ANKRD44: variants seen among roughly 807,000 people sequenced by gnomAD.
ANKRD44 encodes the protein ankyrin repeat domain 44.
In ANKRD44, 35 loss-of-function variants were observed where a neutral mutation model predicts 116.0. That is an observed-to-expected ratio of 0.30 (90% confidence interval 0.23 to 0.40). The LOEUF is 0.40. Ranked by LOEUF, ANKRD44 falls within the 10% of genes least tolerant of loss-of-function variation. ANKRD44 has a pLI of 1.00. For synonymous variants in ANKRD44, 435 were observed against 461.8 expected (o/e 0.94, Z 0.74); for missense variants, 1,014 against 1,242.6 (o/e 0.82, Z 2.77).
chr2:197,039,642 C>T (rs1034944695), intron 16 of ANKRD44, among the ~76,000 whole-genome samples: 2 of 149,950 alleles, frequency 1.3e-5, no homozygotes, highest in Non-Finnish European at 3.0e-5. Flanking sequence ...TTTTGGATTC[C>T]TGCATTACAT....
At chr2:197,234,330 C>T (rs1574328108) in intron 1 of ANKRD44, among the ~76,000 whole-genome samples, 1 of 152,050 alleles carries the variant, frequency 6.6e-6, no homozygotes, top group African/African-American at 2.4e-5. Flanking sequence ...TAGCCGGGAT[C>T]ACAGGCACAT....
intron 4 of ANKRD44, among the ~76,000 whole-genome samples, chr2:197,126,514 A>G (rs1293238517): frequency 6.6e-6 from 1 of 152,244 alleles, no homozygotes; most frequent in Non-Finnish European, 1.5e-5. Flanking sequence ...ATCTCAACTT[A>G]AAGCTATGAG....
intron 16 of ANKRD44, chr2:197,029,939 G>T: frequency 5.3e-6 from 1 of 190,438 alleles, no homozygotes; most frequent in South Asian, 1.0e-4. Flanking sequence ...TATCATTTTT[G>T]GGTTGTGTTC....
Position 197,110,763 on chromosome 2 carries a change from T to TA in ANKRD44, c.985+2dup. 1 of 1,612,006 alleles carries TA rather than the reference T, an allele frequency of 6.2e-7. No homozygotes were observed. Among genetic ancestry groups the TA allele is most frequent in the Non-Finnish European group, 8.5e-7 (1 of 1,178,088 alleles). The stretch of plus-strand genomic sequence containing the variant: ...AATGACACTACTGAAGCATCTCTCT[T>TA]ACCATTCTGAATGAGGGTCTGTGAC... On this transcript the variant is annotated splice_region_variant and intron_variant, in intron 9 of 27. Coordinates refer to ENST00000282272, the MANE Select transcript of ANKRD44 (RefSeq NM_001195144.2).
chr2:197,222,312 G>C (rs372006151), intron 1 of ANKRD44, among the ~76,000 whole-genome samples: 1 of 152,148 alleles, frequency 6.6e-6, no homozygotes, highest in Admixed American at 6.5e-5. Context: ...TTGAGCCATA[G>C]CTGAAAACAC....
At chr2:197,275,947 C>A (rs930533461) in intron 1 of ANKRD44, among the ~76,000 whole-genome samples, 1 of 152,020 alleles carries the variant, frequency 6.6e-6, no homozygotes, top group Admixed American at 6.6e-5. Flanking sequence ...TTTGATTACC[C>A]TATAAATTGA....
intron 16 of ANKRD44, among the ~76,000 whole-genome samples, chr2:197,065,469 T>C (rs113065074): frequency 0.059 from 8,997 of 151,986 alleles, 670 homozygotes; most frequent in African/African-American, 0.17. Flanking sequence ...CTGAAGGAGA[T>C]AGAGACATAA....
Position 197,081,637 on chromosome 2 carries a change from A to G in ANKRD44, c.1538+8T>C. On this transcript the variant is annotated splice_region_variant and intron_variant, in intron 15 of 27. Transcript: ENST00000282272. ...GGCACCTTGTTCTTAAGCTGAGAAG[A>G]AACTTACAGTGTGGCTTCCTTTTCC... 6.2e-7 allele frequency: 1 copy of G among 1,612,558 alleles called. No individual in the cohort carries two copies. The highest frequency in any genetic ancestry group is 2.2e-5 in the East Asian group (1 of 44,868).
At chr2:197,271,512 AGACT>A (rs1252067394) in intron 1 of ANKRD44, among the ~76,000 whole-genome samples, 8 of 152,384 alleles carry the variant, frequency 5.2e-5, no homozygotes, top group Non-Finnish European at 1.2e-4. Flanking sequence ...AATCCTTAAC[AGACT>A]GACATTATCT....
chr2:197,143,277 G>A (rs148924031), intron 3 of ANKRD44, among the ~76,000 whole-genome samples: 8,416 of 149,548 alleles, frequency 0.056, 740 homozygotes, highest in African/African-American at 0.2. Flanking sequence ...GTATACATGT[G>A]CCATGCTGGT....
At chr2:197,121,950 G>A (rs2697271) in intron 7 of ANKRD44, among the ~76,000 whole-genome samples, 96,551 of 152,028 alleles carry the variant, frequency 0.64, 34,179 homozygotes, top group East Asian at 0.95. Context: ...AAGTGGCTGC[G>A]GAGATGGCAG....
chr2:197,293,688 T>G (rs2083634988), intron 1 of ANKRD44, among the ~76,000 whole-genome samples: 4 of 152,210 alleles, frequency 2.6e-5, no homozygotes, highest in Admixed American at 2.6e-4. Flanking sequence ...CAAATAAGAA[T>G]GAAGTTCCAC....
chr2:196,967,238 AG>A (rs1400986953), exon 22 of ANKRD44: 2 of 250,598 alleles, frequency 8.0e-6, no homozygotes, highest in Non-Finnish European at 1.7e-5. Flanking sequence ...TCTTGTTCCC[AG>A]TTGGAAAATA....
intron 1 of ANKRD44, among the ~76,000 whole-genome samples, chr2:197,259,262 C>T (rs1045217818): frequency 2.6e-5 from 4 of 152,228 alleles, no homozygotes; most frequent in African/African-American, 9.6e-5. Flanking sequence ...GCAGCTCCTA[C>T]CAGAGGCCTC....
intron 4 of ANKRD44, among the ~76,000 whole-genome samples, chr2:197,127,404 T>C (rs2079000269): frequency 1.3e-5 from 2 of 152,204 alleles, no homozygotes; most frequent in Admixed American, 6.5e-5. Context: ...TTTTAAAAAC[T>C]GCATTTCTCT....
intron 1 of ANKRD44, among the ~76,000 whole-genome samples, chr2:197,286,756 T>A (rs1265342813): frequency 1.3e-5 from 2 of 152,058 alleles, no homozygotes; most frequent in African/African-American, 4.8e-5. Context: ...TGTCGAAAAA[T>A]ATGTACCTTT....
chr2:197,175,808 A>G (rs1486240271), intron 2 of ANKRD44, among the ~76,000 whole-genome samples: 4 of 152,210 alleles, frequency 2.6e-5, no homozygotes, highest in Admixed American at 2.6e-4. Flanking sequence ...TATTACATAA[A>G]TGATACATAT....
rs139761609 is a variant in ANKRD44, at chr2:197,305,174, T to C, written c.27+5404A>G. On this transcript the variant is annotated intron_variant, in intron 1 of 27. Coordinates refer to ENST00000282272, the MANE Select transcript of ANKRD44 (RefSeq NM_001195144.2). Reference sequence around the variant, plus strand: ...ACATTTATAAATGTTGTTTCATACATGATGTGTCAGGAAAAAAAACAAAAA... The same window carrying C: ...ACATTTATAAATGTTGTTTCATACACGATGTGTCAGGAAAAAAAACAAAAA... 8.5e-3 allele frequency among the ~76,000 whole-genome samples: 1,289 copies of C among 151,700 alleles called. 13 individuals carry two copies. Among genetic ancestry groups the C allele is most frequent in the African/African-American group, 0.03 (1,213 of 40,982 alleles).
At chr2:197,068,087 C>G (rs2077472515) in intron 16 of ANKRD44, among the ~76,000 whole-genome samples, 1 of 124,000 alleles carries the variant, frequency 8.1e-6, no homozygotes, top group African/African-American at 3.1e-5. Context: ...TGGAAACCAT[C>G]ATTCTCAGTA....
Sources: allele counts gnomAD v4.1 joint callset (sites outside exome capture counted in the v4.1 genomes callset), GRCh38; gene constraint gnomAD v4.1.1; transcripts MANE v1.5; gene names NCBI Gene and HGNC (gene_info 2026-07-23, HGNC 2026-07-21).